RAB6B: variants seen among roughly 807,000 people sequenced by gnomAD.
RAB6B encodes the protein RAB6B, member RAS oncogene family, also known as ras-related protein Rab-6B.
RAB6B carries 7 observed loss-of-function variants against 31.2 expected under a neutral mutation model. The ratio of observed to expected loss-of-function variants is 0.22; its 90% confidence interval spans 0.13 to 0.42. The LOEUF is 0.42. Among genes scored for constraint, RAB6B ranks in the 10% least tolerant of loss-of-function variants. The probability of loss-of-function intolerance (pLI) is 1.00; values close to 1 mark genes in which losing one functional copy is unlikely to be tolerated. For missense variants in RAB6B, 149 were observed against 280.6 expected (o/e 0.53, Z 3.35); for synonymous variants, 105 against 104.9 (o/e 1.00, Z -0.01).
intron 2 of RAB6B, among the ~76,000 whole-genome samples, chr3:133,861,633 C>A (rs536297443): frequency 2.0e-5 from 3 of 152,336 alleles, no homozygotes; most frequent in African/African-American, 7.2e-5. Flanking sequence ...AAGGCAGGGC[C>A]AGATTCTGTG....
chr3:133,828,920 C>A (rs1410331871), intron 7 of RAB6B, 68 bp from the exon 8 acceptor site: 20 of 1,392,920 alleles, frequency 1.4e-5, no homozygotes, highest in Admixed American at 2.2e-5. Context: ...GCCCTGTGCA[C>A]TGTACCCTTT....
intron 5 of RAB6B, 94 bp from the exon 6 acceptor site, chr3:133,838,353 C>A: frequency 8.8e-7 from 1 of 1,138,576 alleles, no homozygotes. Context: ...AGAGGGAGCC[C>A]ACTGGGCCCT....
intron 7 of RAB6B, among the ~76,000 whole-genome samples, chr3:133,830,588 C>T (rs1935641848): frequency 6.6e-6 from 1 of 152,228 alleles, no homozygotes; most frequent in Non-Finnish European, 1.5e-5. Context: ...AAAATGTCCT[C>T]ATTCCTTGGG....
chr3:133,827,824 C>T lies in RAB6B; in HGVS notation c.*964G>A. ...GCTTCCCTGACATCCAGGAGGAAGG[C>T]TTCAGGATGGCACACTGCCCAACAT... On this transcript the variant is annotated 3_prime_UTR_variant, in exon 8 of 8. Coordinates refer to ENST00000285208, the MANE Select transcript of RAB6B (RefSeq NM_016577.4). 2.2e-6 allele frequency: 1 copy of T among 463,420 alleles called. No homozygotes were observed. The highest frequency in any genetic ancestry group is 4.2e-6 in the Non-Finnish European group (1 of 238,320). The allele number at this position is 463,420 out of a possible 1,614,324, so 28.7% of individuals were successfully genotyped here.
In RAB6B at chr3:133,824,695, G is replaced by A. The variant is rs1373960991; in HGVS notation, c.*4093C>T. 3 of 152,166 alleles carry A rather than the reference G, an allele frequency of 2.0e-5. No individual in the cohort carries two copies. The highest frequency in any genetic ancestry group is 4.8e-5 in the African/African-American group (2 of 41,406). 9.4% of individuals were successfully genotyped at this position (152,166 alleles called of 1,614,324 possible). On this transcript the variant is annotated 3_prime_UTR_variant, in exon 8 of 8. Coordinates refer to ENST00000285208, the MANE Select transcript of RAB6B (RefSeq NM_016577.4). Reference sequence around the variant, plus strand: ...ATGACAATCAATCAGAGTAGACTTGGGGACTGGCCCTTGTGCAGTAGAGGA... The same window carrying A: ...ATGACAATCAATCAGAGTAGACTTGAGGACTGGCCCTTGTGCAGTAGAGGA...
chr3:133,889,982 C>T (rs990557642), intron 1 of RAB6B, among the ~76,000 whole-genome samples: 1 of 152,204 alleles, frequency 6.6e-6, no homozygotes, highest in Admixed American at 6.5e-5. Context: ...GACTCTCTCA[C>T]TCACACACAT....
At chr3:133,895,189 C>G (rs939921852) in intron 1 of RAB6B, among the ~76,000 whole-genome samples, 1 of 152,196 alleles carries the variant, frequency 6.6e-6, no homozygotes, top group African/African-American at 2.4e-5. Flanking sequence ...CCACCCTCAC[C>G]TCCACCCCAG....
chr3:133,886,364 G>A (rs1364650475), intron 1 of RAB6B, among the ~76,000 whole-genome samples: 1 of 152,090 alleles, frequency 6.6e-6, no homozygotes, highest in East Asian at 1.9e-4. Flanking sequence ...AAGTACTACC[G>A]ACCTCACACA....
chr3:133,864,841 G>A (rs938056045), intron 1 of RAB6B, among the ~76,000 whole-genome samples, 199 bp from the exon 2 acceptor site: 1 of 152,228 alleles, frequency 6.6e-6, no homozygotes, highest in African/African-American at 2.4e-5. Flanking sequence ...GGTGGGCTGA[G>A]GGCTGTTCCT....
intron 2 of RAB6B, among the ~76,000 whole-genome samples, chr3:133,847,726 C>T (rs1425210694): frequency 6.6e-6 from 1 of 152,234 alleles, no homozygotes; most frequent in Non-Finnish European, 1.5e-5. Context: ...TTGCTATGGT[C>T]ACCAATAGCC....
intron 1 of RAB6B, among the ~76,000 whole-genome samples, chr3:133,886,199 C>T (rs565616168): frequency 3.3e-5 from 5 of 152,212 alleles, no homozygotes; most frequent in Non-Finnish European, 7.3e-5. Flanking sequence ...CTCAGTGCCT[C>T]CCCTTCTTTG....
intron 6 of RAB6B, 98 bp from the exon 7 acceptor site, chr3:133,834,739 G>T: frequency 8.8e-7 from 1 of 1,142,254 alleles, no homozygotes; most frequent in Non-Finnish European, 1.3e-6. Context: ...CTCCCAACCT[G>T]CAGCTTTACT....
At chr3:133,883,470 C>T (rs1233190412) in intron 1 of RAB6B, among the ~76,000 whole-genome samples, 1 of 152,142 alleles carries the variant, frequency 6.6e-6, no homozygotes, top group African/African-American at 2.4e-5. Context: ...CCTGCCCGGA[C>T]CTTGACCCAC....
chr3:133,864,080 T>C (rs1050717726), intron 2 of RAB6B, among the ~76,000 whole-genome samples: 1 of 149,462 alleles, frequency 6.7e-6, no homozygotes, highest in Non-Finnish European at 1.5e-5. Flanking sequence ...GGCAAGCTCA[T>C]CGCACCAGCC....
intron 2 of RAB6B, among the ~76,000 whole-genome samples, chr3:133,850,579 C>G (rs972596218): frequency 1.3e-5 from 2 of 151,904 alleles, no homozygotes; most frequent in Non-Finnish European, 2.9e-5. Flanking sequence ...ATGAAATAGT[C>G]AGTGAACTTG....
chr3:133,844,308 C>T (rs2107993021), intron 2 of RAB6B, among the ~76,000 whole-genome samples: 1 of 152,354 alleles, frequency 6.6e-6, no homozygotes, highest in East Asian at 1.9e-4. Flanking sequence ...ATCCCATCTT[C>T]TCCAGCTCTC....
chr3:133,868,534 C>T (rs936147751), intron 1 of RAB6B, among the ~76,000 whole-genome samples: 2 of 152,242 alleles, frequency 1.3e-5, no homozygotes, highest in African/African-American at 4.8e-5. Flanking sequence ...TCTCGGACAC[C>T]ACTGCAGCAA....
intron 1 of RAB6B, among the ~76,000 whole-genome samples, chr3:133,889,284 G>A (rs536132392): frequency 2.2e-3 from 339 of 151,406 alleles, no homozygotes; most frequent in African/African-American, 7.7e-3. Flanking sequence ...GCCTGGCCCC[G>A]GCCAGTCTGC....
At chr3:133,830,541 C>G (rs1935641322) in intron 7 of RAB6B, among the ~76,000 whole-genome samples, 1 of 152,158 alleles carries the variant, frequency 6.6e-6, no homozygotes, top group Non-Finnish European at 1.5e-5. Context: ...GATGCTCCCT[C>G]CCCCACACCC....
Sources: allele counts gnomAD v4.1 joint callset (sites outside exome capture counted in the v4.1 genomes callset), GRCh38; gene constraint gnomAD v4.1.1; transcripts MANE v1.5; gene names NCBI Gene and HGNC (gene_info 2026-07-23, HGNC 2026-07-21).